The following PRKAR1B variants were observed in gnomAD, a reference collection of about 807,000 sequenced individuals.
PRKAR1B encodes cAMP-dependent protein kinase type I-beta regulatory subunit.
Under a neutral mutation model 46.5 loss-of-function variants are expected in PRKAR1B, and 22 were observed. The observed-to-expected ratio is 0.47, with a 90% CI of 0.34 to 0.68. PRKAR1B has a LOEUF of 0.68. Among genes scored for constraint, PRKAR1B ranks in the 30% least tolerant of loss-of-function variants. The pLI, the probability that PRKAR1B is intolerant of heterozygous loss-of-function variation, is 0.01. For missense variants in PRKAR1B, 445 were observed against 535.6 expected, an observed-to-expected ratio of 0.83 and a Z score of 1.67; for synonymous variants, 259 against 217.7, an observed-to-expected ratio of 1.19 and a Z score of -1.67.
chr7:558,822 C>T (rs187434022), intron 9 of PRKAR1B, among the ~76,000 whole-genome samples: 201 of 152,312 alleles, frequency 1.3e-3, no homozygotes, highest in Middle Eastern at 3.4e-3. Flanking sequence ...GAAGGGGCCC[C>T]GGCTTCCTGT....
At chr7:599,265 G>A (rs1781455181) in intron 6 of PRKAR1B, among the ~76,000 whole-genome samples, 1 of 152,054 alleles carries the variant, frequency 6.6e-6, no homozygotes, top group Admixed American at 6.5e-5. Context: ...ACGCAAAGGG[G>A]CTACTTCTTG....
chr7:570,243 G>C (rs1250904534), intron 9 of PRKAR1B, among the ~76,000 whole-genome samples: 1 of 152,204 alleles, frequency 6.6e-6, no homozygotes, highest in Admixed American at 6.5e-5. Context: ...CCGCAGGCTC[G>C]TGGCAGGGCC....
At position 667,238 on chromosome 7, in the gene PRKAR1B, A is replaced by G. The variant is rs148694593; in HGVS notation, c.440+9991T>C. Among the ~76,000 whole-genome samples, 44 of 152,202 alleles carry G rather than the reference A, an allele frequency of 2.9e-4. No homozygotes were observed. Among genetic ancestry groups the G allele is most frequent in the Non-Finnish European group, 5.1e-4 (35 of 67,988 alleles). On this transcript the variant is annotated intron_variant, in intron 4 of 10. Coordinates refer to ENST00000537384, the MANE Select transcript of PRKAR1B (RefSeq NM_001164760.2). The surrounding 1 kb of genome is among the most constrained non-coding windows in gnomAD (Gnocchi z 4.3). ...TGGTGATGACTATGATGGTGATGAT[A>G]ATGATGGTGGTGATAACAGTACACA...
intron 9 of PRKAR1B, among the ~76,000 whole-genome samples, chr7:563,562 G>A (rs1251709482): frequency 1.3e-5 from 2 of 152,150 alleles, no homozygotes; most frequent in Admixed American, 1.3e-4. Flanking sequence ...GTGTGCACGT[G>A]TGAGTGCGTG....
chr7:713,631 G>A (rs919775780), intron 1 of PRKAR1B, among the ~76,000 whole-genome samples: 3 of 151,282 alleles, frequency 2.0e-5, no homozygotes, highest in African/African-American at 7.3e-5. Context: ...ACACTCACCT[G>A]TACACACTCA....
intron 2 of PRKAR1B, among the ~76,000 whole-genome samples, chr7:683,944 C>A (rs1319124948): frequency 6.6e-6 from 1 of 152,232 alleles, no homozygotes; most frequent in African/African-American, 2.4e-5. Flanking sequence ...CCAATGCCCA[C>A]CTCCACGTGC....
chr7:625,935 G>A (rs1430289573), intron 4 of PRKAR1B, among the ~76,000 whole-genome samples: 1 of 149,714 alleles, frequency 6.7e-6, no homozygotes, highest in Admixed American at 6.7e-5. Flanking sequence ...TTGAACCCAG[G>A]AGGCAGAGGT....
chr7:651,736 C>CACA, intron 4 of PRKAR1B, among the ~76,000 whole-genome samples: 2 of 138,124 alleles, frequency 1.4e-5, no homozygotes, highest in African/African-American at 5.6e-5. Context: ...TTCACACCCA[C>CACA]ACGGAGCTAG....
At chr7:636,622 A>C (rs1484827554) in intron 4 of PRKAR1B, among the ~76,000 whole-genome samples, 1 of 152,182 alleles carries the variant, frequency 6.6e-6, no homozygotes, top group African/African-American at 2.4e-5. Flanking sequence ...GCTGGAACAC[A>C]GTGACCCCAG....
At chr7:575,635 TCCTGA>T (rs1779775004) in intron 9 of PRKAR1B, among the ~76,000 whole-genome samples, 1 of 152,114 alleles carries the variant, frequency 6.6e-6, no homozygotes. Context: ...AGCCTTGAAC[TCCTGA>T]GCTCAAGCGA....
At chr7:553,939 G>A (rs761052916) in intron 9 of PRKAR1B, among the ~76,000 whole-genome samples, 1 of 152,274 alleles carries the variant, frequency 6.6e-6, no homozygotes, top group African/African-American at 2.4e-5. Context: ...CCGGGCGGCT[G>A]AGTGCCGCCA....
intron 7 of PRKAR1B, among the ~76,000 whole-genome samples, chr7:594,577 A>G (rs1166865078): frequency 6.6e-6 from 1 of 152,116 alleles, no homozygotes; most frequent in African/African-American, 2.4e-5. Flanking sequence ...GCCTCTGCCC[A>G]GCGATGGGAC....
At chr7:606,782 G>GTT (rs1305139962) in intron 5 of PRKAR1B, among the ~76,000 whole-genome samples, 1 of 151,632 alleles carries the variant, frequency 6.6e-6, no homozygotes, top group Non-Finnish European at 1.5e-5. Context: ...GTGTGTGTGT[G>GTT]TGTGTGTGTG....
chr7:585,371 G>C (rs1477710397), intron 7 of PRKAR1B, among the ~76,000 whole-genome samples: 1 of 152,154 alleles, frequency 6.6e-6, no homozygotes, highest in Admixed American at 6.5e-5. Context: ...CAACTGTACA[G>C]AGCAGCCGCA....
At chr7:686,356 G>A (rs975894328) in intron 2 of PRKAR1B, among the ~76,000 whole-genome samples, 1 of 152,004 alleles carries the variant, frequency 6.6e-6, no homozygotes, top group Non-Finnish European at 1.5e-5. Context: ...ATTGTAAAGG[G>A]GTTAGTGTAT....
At chr7:664,212 T>C (rs1249014715) in intron 4 of PRKAR1B, among the ~76,000 whole-genome samples, 1 of 152,162 alleles carries the variant, frequency 6.6e-6, no homozygotes, top group African/African-American at 2.4e-5. Context: ...CTATTTTTAG[T>C]GACCAGGGCT....
chr7:569,413 G>A (rs372474684), intron 9 of PRKAR1B, among the ~76,000 whole-genome samples: 4 of 152,208 alleles, frequency 2.6e-5, no homozygotes, highest in African/African-American at 7.2e-5. Context: ...CAGTTCAGCC[G>A]GGTGCTGGGA....
chr7:691,132 G>T (rs1779398405), intron 2 of PRKAR1B, among the ~76,000 whole-genome samples: 1 of 151,748 alleles, frequency 6.6e-6, no homozygotes, highest in African/African-American at 2.4e-5. Flanking sequence ...CCAGTCCGCT[G>T]CAAATCCTAC....
intron 8 of PRKAR1B, among the ~76,000 whole-genome samples, chr7:581,225 C>A (rs1200301301): frequency 6.6e-6 from 1 of 151,646 alleles, no homozygotes; most frequent in East Asian, 1.9e-4. Flanking sequence ...ATGGCGTGAA[C>A]CCGGGAGGCG....
Sources: gnomAD v4.1 joint callset for allele counts (sites outside exome capture counted in the v4.1 genomes callset) on GRCh38, gnomAD v4.1.1 for gene constraint, Gnocchi (gnomAD v3.1) non-coding constraint, MANE v1.5 for transcripts, NCBI Gene and HGNC (gene_info 2026-07-23, HGNC 2026-07-21) for gene names.